Variants in RRP1B observed in about 807,000 individuals in gnomAD.
The protein encoded by RRP1B is ribosomal RNA processing protein 1 homolog B.
Under a neutral mutation model 80.2 loss-of-function variants are expected in RRP1B, and 56 were observed. The observed-to-expected ratio is 0.70, with a 90% CI of 0.56 to 0.87. The LOEUF is 0.87. Among genes scored for constraint, RRP1B ranks in the 40% least tolerant of loss-of-function variants. The pLI is 0.00. For synonymous variants in RRP1B, 351 were observed against 357.6 expected (o/e 0.98, Z 0.21); for missense variants, 807 against 939.8 (o/e 0.86, Z 1.85).
At chr21:43,673,102 C>A (rs749765267) in intron 3 of RRP1B, among the ~76,000 whole-genome samples, 16 of 152,146 alleles carry the variant, frequency 1.1e-4, no homozygotes, top group Non-Finnish European at 1.9e-4. Flanking sequence ...CAGATGCCAC[C>A]TATAATCAGA....
At chr21:43,678,715 TTTTG>T (rs1030295884) in intron 8 of RRP1B, among the ~76,000 whole-genome samples, 1 of 152,160 alleles carries the variant, frequency 6.6e-6, no homozygotes, top group Non-Finnish European at 1.5e-5. Flanking sequence ...TTTTCTCCCA[TTTTG>T]TTTGTTTATT....
In RRP1B at chr21:43,676,806, G is replaced by T. The variant is rs779491710; in HGVS notation, c.688G>T (p.Glu230Ter). The T allele has an allele frequency of 6.2e-7, 1 of 1,614,272 alleles. No individual in the cohort carries two copies. The highest frequency in any genetic ancestry group is 8.5e-7 in the Non-Finnish European group (1 of 1,180,048). ...AGATCAGTCTCCTTTTGTGCCTGAA[G>T]AGACGATGGAGGAACAGAAGACAAA... ...IVDQSPFVPE[E>*]TMEEQKTKVG... The change falls in exon 8 of 16, where the codon GAG becomes TAG. Residue 230 changes from glutamate (E) to a stop codon, truncating the protein, a stop_gained. Coordinates refer to ENST00000340648, the MANE Select transcript of RRP1B (RefSeq NM_015056.3). LOFTEE classifies it high-confidence loss of function.
intron 8 of RRP1B, among the ~76,000 whole-genome samples, chr21:43,681,351 G>A (rs892887924): frequency 1.7e-4 from 26 of 150,860 alleles, no homozygotes; most frequent in African/African-American, 5.9e-4. Context: ...TGGTGGACGG[G>A]AAGTAATTTT....
At chr21:43,684,020 C>G (rs1601759080) in intron 9 of RRP1B, among the ~76,000 whole-genome samples, 1 of 142,672 alleles carries the variant, frequency 7.0e-6, no homozygotes, top group Non-Finnish European at 1.5e-5. Flanking sequence ...GTTGTGGGTA[C>G]TCTATCACAA....
chr21:43,687,782 A>G lies in RRP1B; in HGVS notation c.1408A>G (p.Asn470Asp), dbSNP rs745466396. The change falls in exon 13 of 16, where the codon AAT (asparagine) becomes GAT (aspartate). Residue 470 changes from asparagine to aspartate, a missense_variant. By Grantham distance (23) the Asn-to-Asp change is conservative (BLOSUM62 1). Transcript: ENST00000340648. ...GCATCCTCCAGCCGTCCCCATGCAC[A>G]ATAAAAGGAAACGGCCACGGAAGAA... Reference protein sequence around the residue: ...SEHPPAVPMHNKRKRPRKKSP... With the variant: ...SEHPPAVPMHDKRKRPRKKSP... The G allele has an allele frequency of 1.2e-6, 2 of 1,613,306 alleles. No homozygotes were observed. The highest frequency in any genetic ancestry group is 4.5e-5 in the East Asian group (2 of 44,882).
At chr21:43,687,416 T>C (rs1568959977) in intron 12 of RRP1B, 100 bp from the exon 13 acceptor site, 1 of 1,332,150 alleles carries the variant, frequency 7.5e-7, no homozygotes, top group South Asian at 1.9e-5. Flanking sequence ...TGGTAGAATG[T>C]CAGGAAATTG....
intron 1 of RRP1B, among the ~76,000 whole-genome samples, chr21:43,667,716 G>A (rs921787716): frequency 6.6e-6 from 1 of 152,162 alleles, no homozygotes; most frequent in Admixed American, 6.5e-5. Context: ...AGTTGGCTCA[G>A]CTCTAGTGGG....
At chr21:43,670,011 A>G (rs774144188) in intron 2 of RRP1B, 45 bp downstream of exon 2, 5 of 1,410,756 alleles carry the variant, frequency 3.5e-6, no homozygotes, top group Non-Finnish European at 5.0e-6. Flanking sequence ...CTTGCTGTGG[A>G]TGGATAAGAG....
In RRP1B at chr21:43,659,869, G is replaced by A. The variant is rs1045641401; in HGVS notation, c.130+75G>A. On this transcript the variant is annotated intron_variant, in intron 1 of 15. Transcript: ENST00000340648. The surrounding 1 kb of genome is among the most constrained non-coding windows in gnomAD (Gnocchi z 4.2). ...GGGCTGGGGCTAGGGCCAGGGCCCC[G>A]GCACGGAATGCGGCTTCCACGTGTT... is the stretch of plus-strand genomic sequence containing the variant. 1.5e-6 allele frequency: 2 copies of A among 1,362,298 alleles called. No homozygotes were observed. Among genetic ancestry groups the A allele is most frequent in the African/African-American group, 1.5e-5 (1 of 65,102 alleles). 84.4% of individuals were successfully genotyped at this position (1,362,298 alleles called of 1,614,324 possible).
At position 43,691,649 on chromosome 21, in the gene RRP1B, T is replaced by G. The variant is rs1322268978; in HGVS notation, c.2083+147T>G. 1 of 619,782 alleles carries G rather than the reference T, an allele frequency of 1.6e-6. No homozygotes were observed. The highest frequency in any genetic ancestry group is 1.9e-5 in the African/African-American group (1 of 53,646). 38.4% of individuals were successfully genotyped at this position (619,782 alleles called of 1,614,324 possible). On this transcript the variant is annotated intron_variant, in intron 15 of 15. Transcript: ENST00000340648. This position sits in a 1 kb window ranked among gnomAD's most constrained non-coding sequence, Gnocchi z 4.2. ...TTTCTTTATTTTTATTTTTTTTTTT[T>G]TTTTGAGACAGAGTCTCGCTGCTCT...
At position 43,691,577 on chromosome 21, in the gene RRP1B, C is replaced by A; in HGVS notation, c.2083+75C>A. ...TCCTGGCGCGGCTCGCAGCCTGGTT[C>A]CACAAGGCGGTCGGGGAAGAGGGGG... On this transcript the variant is annotated intron_variant, in intron 15 of 15. Coordinates refer to ENST00000340648, the MANE Select transcript of RRP1B (RefSeq NM_015056.3). The surrounding 1 kb of genome is among the most constrained non-coding windows in gnomAD (Gnocchi z 4.2). 7.6e-7 allele frequency: 1 copy of A among 1,324,462 alleles called. No homozygotes were observed. 82.0% of individuals were successfully genotyped at this position (1,324,462 alleles called of 1,614,324 possible). A position where few individuals can be genotyped will look rare whatever the true frequency, so the allele number is the denominator to read the frequency against.
chr21:43,690,464 A>C, intron 14 of RRP1B, 24 bp downstream of exon 14: 1 of 1,611,012 alleles, frequency 6.2e-7, no homozygotes, highest in Non-Finnish European at 8.5e-7. Context: ...CCAGAGTGGC[A>C]CAGCACATTT....
intron 6 of RRP1B, 129 bp from the exon 7 acceptor site, chr21:43,676,143 G>C (rs2083021608): frequency 1.5e-6 from 1 of 660,258 alleles, no homozygotes; most frequent in South Asian, 1.9e-5. Flanking sequence ...GGGGCGCTTT[G>C]GGGCTGTGTG....
chr21:43,678,458 C>T (rs1054768987), intron 8 of RRP1B, among the ~76,000 whole-genome samples: 1 of 152,178 alleles, frequency 6.6e-6, no homozygotes, highest in East Asian at 1.9e-4. Context: ...CGCGCCCGGC[C>T]ACCAACATCT....
intron 2 of RRP1B, among the ~76,000 whole-genome samples, chr21:43,671,370 T>TC (rs1222165475): frequency 6.7e-6 from 1 of 149,968 alleles, no homozygotes; most frequent in East Asian, 1.9e-4. Flanking sequence ...AAGTTTTCTT[T>TC]TTTTTTTTTT....
chr21:43,694,847 C>G lies in RRP1B; in HGVS notation c.*1464C>G, dbSNP rs1408707508. ...TGCAGAGCTTGCATTGGGTTTACCT[C>G]GGTCTCATTCATTCATGGAGCCAAG... On this transcript the variant is annotated 3_prime_UTR_variant, in exon 16 of 16. Transcript: ENST00000340648. The G allele has an allele frequency of 6.6e-6, 1 of 152,202 alleles. No individual in the cohort carries two copies. 9.4% of individuals were successfully genotyped at this position (152,202 alleles called of 1,614,324 possible).
rs1419529597 is a variant in RRP1B at position 43,695,029 on chromosome 21, T to A, written c.*1646T>A. 6.6e-6 allele frequency: 1 copy of A among 152,220 alleles called. No homozygotes were observed. Among genetic ancestry groups the A allele is most frequent in the African/African-American group, 2.4e-5 (1 of 41,450 alleles). 9.4% of individuals were successfully genotyped at this position (152,220 alleles called of 1,614,324 possible). A position where few individuals can be genotyped will look rare whatever the true frequency, so the allele number is the denominator to read the frequency against. Reference sequence around the variant, plus strand: ...CATGAAAAAAGTAATGAACTTGTGCTGTTAATCGTCACTGTAATGAGAAGT... The same window carrying A: ...CATGAAAAAAGTAATGAACTTGTGCAGTTAATCGTCACTGTAATGAGAAGT... On this transcript the variant is annotated 3_prime_UTR_variant, in exon 16 of 16. Coordinates refer to ENST00000340648, the MANE Select transcript of RRP1B (RefSeq NM_015056.3).
chr21:43,684,679 T>G (rs749355899), intron 10 of RRP1B, 29 bp downstream of exon 10: 69 of 1,552,990 alleles, frequency 4.4e-5, no homozygotes, highest in African/African-American at 1.4e-5. Flanking sequence ...GGTTCTGACA[T>G]CATCATTCCT....
At chr21:43,671,749 G>A (rs138482141) in intron 2 of RRP1B, among the ~76,000 whole-genome samples, 4,841 of 151,988 alleles carry the variant, frequency 0.032, 273 homozygotes, top group African/African-American at 0.11. Flanking sequence ...GAGTGCAATG[G>A]CATGATCTTG....
Sources: gnomAD v4.1 joint callset for allele counts (sites outside exome capture counted in the v4.1 genomes callset) on GRCh38, gnomAD v4.1.1 for gene constraint, Gnocchi (gnomAD v3.1) non-coding constraint, MANE v1.5 for transcripts, NCBI Gene and HGNC (gene_info 2026-07-23, HGNC 2026-07-21) for gene names.